KIAA1217: variants seen among roughly 807,000 people sequenced by gnomAD.
KIAA1217 encodes the protein KIAA1217.
Under a neutral mutation model 163.9 loss-of-function variants are expected in KIAA1217, and 88 were observed. The ratio of observed to expected loss-of-function variants is 0.54; its 90% CI spans 0.45 to 0.64. The LOEUF (loss-of-function observed/expected upper bound fraction) is 0.64, where lower values mean the gene tolerates loss of function less well. Ranked by LOEUF, KIAA1217 falls within the 30% of genes least tolerant of loss-of-function variation. The probability of loss-of-function intolerance (pLI) is 0.00; values close to 1 mark genes in which losing one functional copy is unlikely to be tolerated. For missense variants in KIAA1217, 2,372 were observed against 2,475.0 expected (o/e 0.96, Z 0.88); for synonymous variants, 903 against 923.1 (o/e 0.98, Z 0.39).
Position 24,154,507 on chromosome 10 carries a change from T to A in KIAA1217, c.-170-65119T>A, listed in dbSNP as rs544870380. ...ATTGGAAGGATTAAATAAGATAATA[T>A]AAAAGCACTTAGTGCATTGTGTGAT... On this transcript the variant is annotated intron_variant, in intron 2 of 18. Transcript: ENST00000376462. Among the ~76,000 whole-genome samples the A allele has an allele frequency of 1.1e-4, 16 of 152,248 alleles. 1 individual carries two copies. The East Asian group carries it at 3.1e-3, about 29-fold the overall frequency.
chr10:24,060,156 TC>T (rs1041272315), intron 2 of KIAA1217, among the ~76,000 whole-genome samples: 26 of 152,242 alleles, frequency 1.7e-4, no homozygotes, highest in African/African-American at 6.3e-4. Context: ...TGATTTTTTT[TC>T]CTATTGTTTT....
rs185760436 is a variant in KIAA1217 at position 23,802,494 on chromosome 10, G to C, written c.-321+107260G>C. Among the ~76,000 whole-genome samples, 10 of 152,250 alleles carry C rather than the reference G, an allele frequency of 6.6e-5. No homozygotes were observed. In the East Asian group the frequency reaches 7.7e-4, roughly 12 times the overall value. On this transcript the variant is annotated intron_variant, in intron 1 of 18. Transcript: ENST00000376462. The stretch of plus-strand genomic sequence containing the variant: ...GACCTCTCTGCAAATTGTACACCCA[G>C]GTGTCTGATTGACTTGACCTATGGC...
chr10:24,084,702 C>T (rs1396444810), intron 2 of KIAA1217, among the ~76,000 whole-genome samples: 1 of 151,980 alleles, frequency 6.6e-6, no homozygotes, highest in Non-Finnish European at 1.5e-5. Flanking sequence ...GGGAACATTT[C>T]CAAAGGGAGG....
intron 1 of KIAA1217, among the ~76,000 whole-genome samples, chr10:23,821,098 T>TGTGC (rs1554803041): frequency 2.2e-3 from 284 of 128,842 alleles, no homozygotes; most frequent in East Asian, 5.6e-3. Flanking sequence ...TGCAGCTGTG[T>TGTGC]GTGTGCGTGT....
chr10:23,856,319 A>G lies in KIAA1217; in HGVS notation c.-320-150906A>G, dbSNP rs1254703379. 2.0e-5 allele frequency among the ~76,000 whole-genome samples: 3 copies of G among 152,310 alleles called. No individual in the cohort carries two copies. The East Asian group carries it at 5.8e-4, about 29-fold the overall frequency. On this transcript the variant is annotated intron_variant, in intron 1 of 18. Transcript: ENST00000376462. Reference sequence around the variant, plus strand: ...TGGGTATCAGCAGCAGTGGCTGCAGAACAGCGGATTTTCGTGAACCGCGAA... The same window carrying G: ...TGGGTATCAGCAGCAGTGGCTGCAGGACAGCGGATTTTCGTGAACCGCGAA...
chr10:23,776,782 AC>A (rs1414400352), intron 1 of KIAA1217, among the ~76,000 whole-genome samples: 2 of 150,948 alleles, frequency 1.3e-5, no homozygotes, highest in East Asian at 4.0e-4. Flanking sequence ...CTGGGTTCAA[AC>A]AATTCTTGTG....
At chr10:23,965,687 T>A (rs1178832283) in intron 1 of KIAA1217, among the ~76,000 whole-genome samples, 2 of 151,994 alleles carry the variant, frequency 1.3e-5, no homozygotes, top group Admixed American at 6.5e-5. Context: ...AGTAAATGGA[T>A]TTTTAAAATA....
chr10:23,982,447 GT>G (rs1407953967), intron 1 of KIAA1217, among the ~76,000 whole-genome samples: 1 of 152,092 alleles, frequency 6.6e-6, no homozygotes, highest in Non-Finnish European at 1.5e-5. Context: ...CAAAGCCAGT[GT>G]GAGATTTCCC....
Position 24,494,600 on chromosome 10 carries a change from T to A in KIAA1217, c.1780T>A (p.Ser594Thr), listed in dbSNP as rs545218576. ...CATTACAAGTTATAGCAAAGATGCG[T>A]CTAGGTAAAAAAGAAGAAAGCCAAT... is the stretch of plus-strand genomic sequence containing the variant. The part of the protein sequence containing the change: ...GPITSYSKDA[S>T]SEKMMKTTAN... Residue 594 changes from serine to threonine, a missense_variant, in exon 7 of 21, where the codon TCT (serine) becomes ACT (threonine). Ser to Thr is a moderately conservative substitution (Grantham distance 58, BLOSUM62 1). Transcript: ENST00000376454. 1 of 1,600,086 alleles carries A rather than the reference T, an allele frequency of 6.2e-7. No homozygotes were observed. The highest frequency in any genetic ancestry group is 1.3e-5 in the African/African-American group (1 of 74,468).
At chr10:24,009,380 G>T (rs1173607537) in intron 2 of KIAA1217, among the ~76,000 whole-genome samples, 2 of 151,542 alleles carry the variant, frequency 1.3e-5, no homozygotes, top group African/African-American at 4.9e-5. Flanking sequence ...CATCGACAGG[G>T]ATTTTTTTTT....
chr10:24,078,861 C>T (rs1032180578), intron 2 of KIAA1217, among the ~76,000 whole-genome samples: 3 of 152,162 alleles, frequency 2.0e-5, no homozygotes, highest in Non-Finnish European at 4.4e-5. Flanking sequence ...GGCAATGCCC[C>T]CACATCCTTC....
At chr10:23,972,837 C>T (rs1310333767) in intron 1 of KIAA1217, among the ~76,000 whole-genome samples, 8 of 152,114 alleles carry the variant, frequency 5.3e-5, no homozygotes, top group Admixed American at 3.9e-4. Flanking sequence ...AGCCATCATC[C>T]TCAGCAAACT....
chr10:23,878,633 G>A (rs1840813468), intron 1 of KIAA1217, among the ~76,000 whole-genome samples: 1 of 151,966 alleles, frequency 6.6e-6, no homozygotes, highest in South Asian at 2.1e-4. Flanking sequence ...ATGCAGTGAT[G>A]AGGAGAGGGT....
intron 5 of KIAA1217, among the ~76,000 whole-genome samples, chr10:24,442,860 T>C (rs1371991139): frequency 6.6e-6 from 1 of 152,144 alleles, no homozygotes; most frequent in Admixed American, 6.6e-5. Flanking sequence ...CCTGTACCAG[T>C]ATTCTTACAA....
At chr10:24,447,685 G>A (rs1377924624) in intron 5 of KIAA1217, among the ~76,000 whole-genome samples, 3 of 152,140 alleles carry the variant, frequency 2.0e-5, no homozygotes, top group Admixed American at 2.0e-4. Flanking sequence ...GTTAATTAGT[G>A]CCTTATCTAC....
rs936870764 is a variant in KIAA1217 at position 24,342,956 on chromosome 10, C to T, written c.355-37913C>T. Among the ~76,000 whole-genome samples, 7 of 152,204 alleles carry T rather than the reference C, an allele frequency of 4.6e-5. No homozygotes were observed. The South Asian group carries it at 8.3e-4, about 18-fold the overall frequency. On this transcript the variant is annotated intron_variant, in intron 2 of 20. Transcript: ENST00000376454. ...ACAGGCGTGAGCCACTGCACCCGGC[C>T]GACTCAGTTTTTAATGATTACATTG...
chr10:23,990,448 T>C (rs1190594525), intron 1 of KIAA1217, among the ~76,000 whole-genome samples: 1 of 152,194 alleles, frequency 6.6e-6, no homozygotes, highest in African/African-American at 2.4e-5. Flanking sequence ...ATGTTAATAA[T>C]CTTTTTTTAA....
At chr10:24,189,845 A>G (rs1339138362) in intron 2 of KIAA1217, among the ~76,000 whole-genome samples, 2 of 152,054 alleles carry the variant, frequency 1.3e-5, no homozygotes, top group African/African-American at 4.8e-5. Context: ...GTGAGACCGC[A>G]TCTCTACAAA....
chr10:23,802,687 A>T (rs569531554), intron 1 of KIAA1217, among the ~76,000 whole-genome samples: 1 of 152,350 alleles, frequency 6.6e-6, no homozygotes, highest in South Asian at 2.1e-4. Context: ...AAGAAACTTT[A>T]TTTTTTAAAT....
Sources: gnomAD v4.1 joint callset for allele counts (sites outside exome capture counted in the v4.1 genomes callset) on GRCh38, gnomAD v4.1.1 for gene constraint, MANE v1.5 for transcripts, NCBI Gene and HGNC (gene_info 2026-07-23, HGNC 2026-07-21) for gene names.